DNAH7: variants seen among roughly 807,000 people sequenced by gnomAD.
The protein encoded by DNAH7 is axonemal beta dynein heavy chain 7.
Under a neutral mutation model 444.6 loss-of-function variants are expected in DNAH7, and 397 were observed. The observed-to-expected ratio is 0.89, with a 90% CI of 0.82 to 0.97. The LOEUF is 0.97. Among genes scored for constraint, DNAH7 ranks in the 50% least tolerant of loss-of-function variants. The pLI is 0.00. For missense variants in DNAH7, 4,902 were observed against 4,800.8 expected, an observed-to-expected ratio of 1.02 and a Z score of -0.62; for synonymous variants, 1,636 against 1,624.4, an observed-to-expected ratio of 1.01 and a Z score of -0.17.
In DNAH7 at chr2:196,015,262, T is replaced by C. The variant is rs918003464; in HGVS notation, c.870-2356A>G. Among the ~76,000 whole-genome samples, 3 of 152,186 alleles carry C rather than the reference T, an allele frequency of 2.0e-5. No homozygotes were observed. In the South Asian group the frequency reaches 6.2e-4, roughly 32 times the overall value. The stretch of plus-strand genomic sequence containing the variant: ...AGTTTTAATTTCAATCTCTTTACAT[T>C]TCTTGTATTATGAGTTAGGTTAAGC... On this transcript the variant is annotated intron_variant, in intron 9 of 64. Transcript: ENST00000312428.
chr2:195,745,199 G>A (rs1282772645), intron 63 of DNAH7, among the ~76,000 whole-genome samples: 21 of 152,284 alleles, frequency 1.4e-4, no homozygotes, highest in Admixed American at 2.6e-4. Flanking sequence ...CAAGAACTAC[G>A]TGAAGAATGC....
intron 25 of DNAH7, among the ~76,000 whole-genome samples, chr2:195,908,901 C>A (rs1470302812): frequency 1.3e-5 from 2 of 152,108 alleles, no homozygotes; most frequent in Non-Finnish European, 2.9e-5. Context: ...ATATTCCAGC[C>A]AGGAACAGTT....
intron 21 of DNAH7, among the ~76,000 whole-genome samples, chr2:195,929,253 T>C (rs1300277507): frequency 1.3e-5 from 2 of 152,280 alleles, no homozygotes; most frequent in East Asian, 1.9e-4. Flanking sequence ...AAATATTCCA[T>C]GCTCATGGAT....
At chr2:195,923,002 C>T (rs1252449550) in intron 23 of DNAH7, among the ~76,000 whole-genome samples, 1 of 152,090 alleles carries the variant, frequency 6.6e-6, no homozygotes, top group East Asian at 1.9e-4. Flanking sequence ...GCTGGGGCTA[C>T]AAGCACGCCC....
intron 9 of DNAH7, among the ~76,000 whole-genome samples, chr2:196,016,778 A>G (rs1695047573): frequency 6.6e-6 from 1 of 152,200 alleles, no homozygotes; most frequent in African/African-American, 2.4e-5. Flanking sequence ...TGGAGAAGGC[A>G]AAGCTTCCTA....
chr2:196,044,226 T>TGA (rs1350296075), intron 5 of DNAH7, among the ~76,000 whole-genome samples: 1 of 150,388 alleles, frequency 6.6e-6, no homozygotes, highest in Non-Finnish European at 1.5e-5. Flanking sequence ...TGTGTGTGTG[T>TGA]ATACATACAC....
intron 64 of DNAH7, 120 bp downstream of exon 64, chr2:195,740,646 C>T (rs9679467): frequency 0.15 from 8,172 of 56,342 alleles, 305 homozygotes; most frequent in Non-Finnish European, 0.19. Context: ...TATATATATA[C>T]ATATACACAC....
chr2:195,873,911 C>G (rs771628105), intron 38 of DNAH7, among the ~76,000 whole-genome samples: 5 of 152,074 alleles, frequency 3.3e-5, no homozygotes, highest in Non-Finnish European at 7.3e-5. Flanking sequence ...ATGAGTTAAA[C>G]TAATTAGACA....
At chr2:195,815,500 T>G (rs183264514) in intron 51 of DNAH7, among the ~76,000 whole-genome samples, 144 of 152,276 alleles carry the variant, frequency 9.5e-4, no homozygotes, top group African/African-American at 3.4e-3. Context: ...AGGAATTAAA[T>G]TCAGATTTTA....
rs80112322 is a variant in DNAH7, at chr2:195,738,062, A to T, written c.11934T>A (p.Tyr3978Ter). 5,426 of 1,614,008 alleles carry T rather than the reference A, an allele frequency of 3.4e-3. 16 individuals carry two copies. The highest frequency in any genetic ancestry group is 4.2e-3 in the Non-Finnish European group (4,923 of 1,179,886). Reference protein sequence around the residue: ...PKRPSYVAPLYKTSERRGVLS... With the variant: ...PKRPSYVAPL Reference sequence around the variant, plus strand: ...ATACTCCTCTCCGCTCACTTGTCTTATACAATGGAGCAACATAACTTGGCC... The same window carrying T: ...ATACTCCTCTCCGCTCACTTGTCTTTTACAATGGAGCAACATAACTTGGCC... The change falls in exon 65 of 65, where the codon TAT (tyrosine) becomes TAA (stop). Residue 3978 changes from tyrosine to a stop codon, truncating the protein, a stop_gained. Coordinates refer to ENST00000312428, the MANE Select transcript of DNAH7 (RefSeq NM_018897.3). LOFTEE classifies it high-confidence loss of function.
At chr2:196,026,203 A>C (rs896061863) in intron 7 of DNAH7, among the ~76,000 whole-genome samples, 1 of 152,210 alleles carries the variant, frequency 6.6e-6, no homozygotes, top group Non-Finnish European at 1.5e-5. Context: ...TAGTGTGGCT[A>C]TGTTCCAATA....
At chr2:195,967,882 T>C (rs1691587296) in intron 17 of DNAH7, among the ~76,000 whole-genome samples, 1 of 152,218 alleles carries the variant, frequency 6.6e-6, no homozygotes, top group South Asian at 2.1e-4. Flanking sequence ...GGCATCTTTC[T>C]CCAGGTTTGG....
chr2:195,992,936 T>C (rs1693444400), intron 12 of DNAH7, among the ~76,000 whole-genome samples: 1 of 152,192 alleles, frequency 6.6e-6, no homozygotes, highest in African/African-American at 2.4e-5. Context: ...CTAGCCAGAA[T>C]GATTCCAGCC....
chr2:196,015,485 A>C (rs967097144), intron 9 of DNAH7, among the ~76,000 whole-genome samples: 1 of 152,174 alleles, frequency 6.6e-6, no homozygotes, highest in Non-Finnish European at 1.5e-5. Context: ...GATGATTTAT[A>C]TTACACTGTA....
chr2:195,809,844 A>T lies in DNAH7; in HGVS notation c.9789T>A (p.Thr3263=). 1 of 1,580,466 alleles carries T rather than the reference A, an allele frequency of 6.3e-7. No individual in the cohort carries two copies. The highest frequency in any genetic ancestry group is 8.6e-7 in the Non-Finnish European group (1 of 1,163,348). ...KRLQILKDHF[T]YSLYVNVCRS... ...GGCAGACATTAACATACAGTGAATA[A>T]GTAAAGTGATCCTTGAGAATCTGAA... The change falls in exon 52 of 65, where the codon ACT becomes ACA. Residue 3263 remains threonine (T), a synonymous_variant. Coordinates refer to ENST00000312428, the MANE Select transcript of DNAH7 (RefSeq NM_018897.3).
chr2:196,006,354 T>G (rs1694374683), intron 10 of DNAH7, among the ~76,000 whole-genome samples: 1 of 152,004 alleles, frequency 6.6e-6, no homozygotes, highest in African/African-American at 2.4e-5. Context: ...AGAATCTACC[T>G]CAGGAATTCA....
chr2:195,848,081 C>T (rs550971621), intron 46 of DNAH7, among the ~76,000 whole-genome samples: 1 of 152,350 alleles, frequency 6.6e-6, no homozygotes, highest in African/African-American at 2.4e-5. Context: ...ATGTATGGTG[C>T]TGGTACCAGC....
intron 40 of DNAH7, among the ~76,000 whole-genome samples, chr2:195,870,389 G>A (rs1419688856): frequency 6.6e-6 from 1 of 152,124 alleles, no homozygotes; most frequent in Non-Finnish European, 1.5e-5. Flanking sequence ...TCTGAAGGAA[G>A]GAAGTGGGCA....
chr2:195,812,545 T>C (rs1697018312), intron 51 of DNAH7, among the ~76,000 whole-genome samples: 1 of 151,552 alleles, frequency 6.6e-6, no homozygotes, highest in African/African-American at 2.4e-5. Context: ...TAAATTCTAA[T>C]GCATTAAAAT....
Sources: gnomAD v4.1 joint callset for allele counts (sites outside exome capture counted in the v4.1 genomes callset) on GRCh38, gnomAD v4.1.1 for gene constraint, MANE v1.5 for transcripts, NCBI Gene and HGNC (gene_info 2026-07-23, HGNC 2026-07-21) for gene names.